The following PCDHGA2 variants were observed in gnomAD, a reference collection of about 807,000 sequenced individuals.
PCDHGA2 encodes protocadherin gamma-A2.
A neutral mutation model predicts 59.2 loss-of-function variants in PCDHGA2; 40 were observed. The observed-to-expected ratio is 0.68, with a 90% CI of 0.52 to 0.88. The LOEUF (loss-of-function observed/expected upper bound fraction) is 0.88, where lower values mean the gene tolerates loss of function less well. Ranked by LOEUF, PCDHGA2 falls within the 40% of genes least tolerant of loss-of-function variation. The probability of loss-of-function intolerance (pLI) is 0.00; values close to 1 mark genes in which losing one functional copy is unlikely to be tolerated. For synonymous variants in PCDHGA2, 560 were observed against 526.0 expected, an observed-to-expected ratio of 1.06 and a Z score of -0.89; for missense variants, 1,226 against 1,204.0, an observed-to-expected ratio of 1.02 and a Z score of -0.27.
intron 1 of PCDHGA2, chr5:141,375,679 G>A (rs1399157230): frequency 6.2e-7 from 1 of 1,614,244 alleles, no homozygotes; most frequent in Admixed American, 1.7e-5. Flanking sequence ...AGCTGTGGGT[G>A]ACAGCCAGCG....
chr5:141,458,694 C>T (rs905547768), intron 1 of PCDHGA2, among the ~76,000 whole-genome samples: 3 of 152,018 alleles, frequency 2.0e-5, no homozygotes, highest in Non-Finnish European at 2.9e-5. Flanking sequence ...CTCAGCCTCC[C>T]GAGTAGCTGG....
chr5:141,351,433 A>G, intron 1 of PCDHGA2: 1 of 1,612,116 alleles, frequency 6.2e-7, no homozygotes, highest in Non-Finnish European at 8.5e-7. Context: ...TCAAATTAGA[A>G]TCCACCTCGA....
At chr5:141,498,089 A>G (rs1402239680) in intron 2 of PCDHGA2, among the ~76,000 whole-genome samples, 3 of 152,370 alleles carry the variant, frequency 2.0e-5, no homozygotes, top group South Asian at 2.1e-4. Context: ...GTAGAATTGT[A>G]TCTGGTGGTG....
chr5:141,452,587 A>G (rs1171400700), intron 1 of PCDHGA2, among the ~76,000 whole-genome samples: 1 of 151,948 alleles, frequency 6.6e-6, no homozygotes, highest in Non-Finnish European at 1.5e-5. Context: ...CCATCTTTGT[A>G]TTTTTATTTT....
chr5:141,415,492 A>G lies in PCDHGA2; in HGVS notation c.2424+74097A>G, dbSNP rs373866182. 4 of 1,614,154 alleles carry G rather than the reference A, an allele frequency of 2.5e-6. No individual in the cohort carries two copies. The African/African-American group carries it at 4.0e-5, about 16-fold the overall frequency. On this transcript the variant is annotated intron_variant, in intron 1 of 3. Transcript: ENST00000394576. Reference sequence around the variant, plus strand: ...CGCGGACTCGCGAAAGAGTCACCTGATCTTCCCCCAGCCCAATTATGCGGA... The same window carrying G: ...CGCGGACTCGCGAAAGAGTCACCTGGTCTTCCCCCAGCCCAATTATGCGGA...
intron 1 of PCDHGA2, chr5:141,400,133 C>G: frequency 3.7e-6 from 6 of 1,614,066 alleles, no homozygotes; most frequent in Non-Finnish European, 5.1e-6. Flanking sequence ...GAGGTGCTGC[C>G]GGATATCACT....
chr5:141,478,724 G>T, intron 1 of PCDHGA2: 2 of 1,542,774 alleles, frequency 1.3e-6, no homozygotes, highest in Non-Finnish European at 1.8e-6. Context: ...TGGCCTGCCA[G>T]AGTGTGGTTT....
At chr5:141,374,243 C>T in intron 1 of PCDHGA2, 1 of 1,614,000 alleles carries the variant, frequency 6.2e-7, no homozygotes, top group East Asian at 2.2e-5. Context: ...GGATCTGGGA[C>T]TGGAGCCCCA....
At chr5:141,346,827 A>AAACCTGTTTGTATACCTGTTTGT (rs1172569704) in intron 1 of PCDHGA2, among the ~76,000 whole-genome samples, 1 of 152,206 alleles carries the variant, frequency 6.6e-6, no homozygotes, top group African/African-American at 2.4e-5. Context: ...ACCTGTGATA[A>AAACCTGTTTGTATACCTGTTTGT]ATAGGCCTTT....
At chr5:141,375,449 TC>T in intron 1 of PCDHGA2, 1 of 1,613,978 alleles carries the variant, frequency 6.2e-7, no homozygotes, top group Non-Finnish European at 8.5e-7. Context: ...CCCCCATTCA[TC>T]CTACTCAGTC....
intron 1 of PCDHGA2, chr5:141,415,477 C>A (rs2095874299): frequency 1.9e-6 from 3 of 1,614,184 alleles, no homozygotes; most frequent in Non-Finnish European, 2.5e-6. Flanking sequence ...CGCGGACTCG[C>A]GAAAGAGTCA....
intron 1 of PCDHGA2, chr5:141,341,687 A>C: frequency 1.8e-6 from 1 of 571,328 alleles, no homozygotes. Flanking sequence ...TTTCTTCTCC[A>C]TCCCTGGGCA....
At chr5:141,466,965 C>A (rs1345790988) in intron 1 of PCDHGA2, among the ~76,000 whole-genome samples, 1 of 152,016 alleles carries the variant, frequency 6.6e-6, no homozygotes, top group East Asian at 1.9e-4. Context: ...CAAATATTTT[C>A]TCACAGCTCA....
intron 1 of PCDHGA2, among the ~76,000 whole-genome samples, chr5:141,469,045 G>C (rs35157158): frequency 1.4e-3 from 207 of 152,234 alleles, no homozygotes; most frequent in Middle Eastern, 0.01. Flanking sequence ...GGGAGGCCAA[G>C]GTGGGAGGAT....
chr5:141,375,816 C>G, intron 1 of PCDHGA2: 2 of 1,614,194 alleles, frequency 1.2e-6, no homozygotes, highest in South Asian at 2.2e-5. Flanking sequence ...GTGGAGCTGG[C>G]GCCCCGCTCC....
At chr5:141,351,240 G>A in intron 1 of PCDHGA2, 7 of 1,614,026 alleles carry the variant, frequency 4.3e-6, no homozygotes, top group Non-Finnish European at 5.1e-6. Context: ...ACAGCTCACT[G>A]TAATGTTCAA....
chr5:141,455,593 C>G (rs957677108), intron 1 of PCDHGA2, among the ~76,000 whole-genome samples: 19 of 152,068 alleles, frequency 1.2e-4, no homozygotes, highest in African/African-American at 4.6e-4. Context: ...AATATGCAAA[C>G]GTAGGGCGCC....
At chr5:141,509,334 G>A (rs1184232270) in intron 3 of PCDHGA2, among the ~76,000 whole-genome samples, 1 of 152,186 alleles carries the variant, frequency 6.6e-6, no homozygotes, top group Non-Finnish European at 1.5e-5. Flanking sequence ...ACTGCCAGCT[G>A]GGCCTGGGCT....
At chr5:141,345,406 C>G (rs934034695) in intron 1 of PCDHGA2, 3 of 1,614,020 alleles carry the variant, frequency 1.9e-6, no homozygotes, top group Admixed American at 1.7e-5. Flanking sequence ...TTATCCTACT[C>G]CGCCTACATT....
Sources: gnomAD v4.1 joint callset for allele counts (sites outside exome capture counted in the v4.1 genomes callset) on GRCh38, gnomAD v4.1.1 for gene constraint, MANE v1.5 for transcripts, NCBI Gene and HGNC (gene_info 2026-07-23, HGNC 2026-07-21) for gene names.